The following DNAJC7 variants were observed in gnomAD, a reference collection of about 807,000 sequenced individuals.
The protein encoded by DNAJC7 is dnaJ homolog subfamily C member 7.
A neutral mutation model predicts 67.4 loss-of-function variants in DNAJC7; 18 were observed. The ratio of observed to expected loss-of-function variants is 0.27; its 90% CI spans 0.18 to 0.40. The LOEUF (loss-of-function observed/expected upper bound fraction) is 0.40. DNAJC7 is among the 10% of genes least tolerant of loss of function. DNAJC7 has a pLI of 1.00. For synonymous variants in DNAJC7, 220 were observed against 207.8 expected (o/e 1.06, Z -0.50); for missense variants, 419 against 613.8 (o/e 0.68, Z 3.35).
At chr17:41,995,360 T>C (rs1555648445) in intron 4 of DNAJC7, among the ~76,000 whole-genome samples, 4 of 152,158 alleles carry the variant, frequency 2.6e-5, no homozygotes. Context: ...TTGATATACA[T>C]GAAATAAAGG....
rs1485254067 is a variant in DNAJC7, at chr17:41,982,465, A to G, written c.1085-64T>C. 6.3e-6 allele frequency: 10 copies of G among 1,581,748 alleles called. No homozygotes were observed. In the African/African-American group the frequency reaches 1.4e-4, roughly 21 times the overall value. On this transcript the variant is annotated intron_variant, in intron 10 of 13. Transcript: ENST00000457167. ...TCTGGTTTTTTCCTCACCAGGTCTC[A>G]GCCCAGCTGCCTGGGAGTTAGAGGC...
intron 1 of DNAJC7, chr17:42,013,169 C>T (rs2143363214): frequency 6.6e-6 from 1 of 152,340 alleles, no homozygotes; most frequent in Admixed American, 6.5e-5. Flanking sequence ...AACTACTGGG[C>T]TTAAGCGATC....
intron 2 of DNAJC7, among the ~76,000 whole-genome samples, chr17:41,997,833 C>T (rs1555648899): frequency 6.6e-6 from 1 of 152,040 alleles, no homozygotes; most frequent in Non-Finnish European, 1.5e-5. Context: ...GGATTACAGG[C>T]ATGTGCCACC....
chr17:42,017,405 G>A lies in DNAJC7; in HGVS notation c.12C>T (p.Ala4=), dbSNP rs782611767. MAA[A]AECDVVMAAT... is the part of the protein sequence containing the mutation. ...CCGCCATTACCACATCGCACTCCGC[G>A]GCAGCCGCCATCTTACCGCCGGGAC... The change falls in exon 1 of 14, where the codon GCC becomes GCT. Residue 4 remains alanine (A), a synonymous_variant. Transcript: ENST00000457167. The A allele has an allele frequency of 4.4e-6, 7 of 1,608,474 alleles. No individual in the cohort carries two copies. The highest frequency in any genetic ancestry group is 3.3e-5 in the South Asian group (3 of 91,086).
chr17:41,995,764 T>C (rs2051640184), intron 4 of DNAJC7, among the ~76,000 whole-genome samples: 1 of 152,216 alleles, frequency 6.6e-6, no homozygotes, highest in African/African-American at 2.4e-5. Flanking sequence ...AACTAAAACA[T>C]GTTTTAGCTG....
At chr17:41,981,657 T>A in intron 12 of DNAJC7, 198 bp downstream of exon 12, 2 of 658,576 alleles carry the variant, frequency 3.0e-6, no homozygotes, top group South Asian at 4.3e-5. Flanking sequence ...CTTCCCTTGC[T>A]AGTGCTCGCC....
At chr17:41,983,514 C>T in intron 10 of DNAJC7, 49 bp downstream of exon 10, 1 of 1,485,114 alleles carries the variant, frequency 6.7e-7, no homozygotes, top group Non-Finnish European at 9.2e-7. Flanking sequence ...AGATTTATGG[C>T]CTACGAAGTC....
In DNAJC7 at chr17:42,017,356, C is replaced by A. The variant is rs543894294; in HGVS notation, c.61G>T (p.Asp21Tyr). ...MAATEPELLD[D>Y]QEAKREAETF... ...CCCGGTTACCTCTTCGCCTCTTGGT[C>A]GTCGAGCAGCTCCGGCTCGGTCGCC... The change falls in exon 1 of 14, where the codon GAC becomes TAC. Residue 21 changes from aspartate to tyrosine, a missense_variant. Transcript: ENST00000457167. 7.8e-5 allele frequency: 126 copies of A among 1,611,568 alleles called. 1 individual carries two copies. The South Asian group carries it at 1.2e-3, about 16-fold the overall frequency.
chr17:41,976,647 G>T lies in DNAJC7; in HGVS notation c.*86C>A. On this transcript the variant is annotated 3_prime_UTR_variant, in exon 14 of 14. Transcript: ENST00000457167. The stretch of plus-strand genomic sequence containing the variant: ...AACTGCTCTAAGCACACGGAGACGT[G>T]ATGAAGGGAGGAGGTGAACTGTTTC... 2 of 1,544,794 alleles carry T rather than the reference G, an allele frequency of 1.3e-6. No homozygotes were observed. The highest frequency in any genetic ancestry group is 1.8e-6 in the Non-Finnish European group (2 of 1,135,358).
At chr17:42,017,143 G>A (rs577825220) in intron 1 of DNAJC7, 197 bp downstream of exon 1, 1 of 1,482,186 alleles carries the variant, frequency 6.7e-7, no homozygotes, top group African/African-American at 1.4e-5. Flanking sequence ...TCCTACGCCA[G>A]GCGGAAGCGG....
intron 1 of DNAJC7, among the ~76,000 whole-genome samples, chr17:42,010,112 C>A (rs1244283126): frequency 6.6e-6 from 1 of 151,492 alleles, no homozygotes; most frequent in African/African-American, 2.4e-5. Context: ...ATTGCACACT[C>A]CAGCCTGGAG....
chr17:41,979,691 G>C (rs1178548341), intron 12 of DNAJC7, among the ~76,000 whole-genome samples: 1 of 135,028 alleles, frequency 7.4e-6, no homozygotes, highest in African/African-American at 2.7e-5. Flanking sequence ...GGCCGGGCGC[G>C]GTGGCTCACG....
At position 42,001,389 on chromosome 17, in the gene DNAJC7, C is replaced by G. The variant is rs138806956; in HGVS notation, c.78-819G>C. ...AAACTGTGCCATTAGACAAAGTATA[C>G]TTTCCTAAACTTTGTCCTAAAGGAA... On this transcript the variant is annotated intron_variant, in intron 1 of 13. Coordinates refer to ENST00000457167, the MANE Select transcript of DNAJC7 (RefSeq NM_003315.4). 1.4e-4 allele frequency among the ~76,000 whole-genome samples: 22 copies of G among 152,276 alleles called. No homozygotes were observed. The East Asian group carries it at 4.2e-3, about 29-fold the overall frequency.
chr17:42,005,079 T>C (rs144997054), intron 1 of DNAJC7, among the ~76,000 whole-genome samples: 2 of 152,322 alleles, frequency 1.3e-5, no homozygotes, highest in East Asian at 3.9e-4. Flanking sequence ...CTTGCTCTTC[T>C]ACAATAAATG....
At chr17:41,996,180 A>G in intron 4 of DNAJC7, 131 bp downstream of exon 4, 1 of 776,952 alleles carries the variant, frequency 1.3e-6, no homozygotes, top group East Asian at 2.7e-5. Flanking sequence ...GAGGCTATGA[A>G]ACTCGCCTAA....
chr17:41,990,649 G>C (rs1247252463), intron 5 of DNAJC7, among the ~76,000 whole-genome samples: 1 of 151,052 alleles, frequency 6.6e-6, no homozygotes, highest in African/African-American at 2.4e-5. Context: ...AGAATTTTAT[G>C]AAATAGGCAA....
chr17:41,977,598 T>A, intron 12 of DNAJC7: 1 of 324,096 alleles, frequency 3.1e-6, no homozygotes, highest in Non-Finnish European at 5.7e-6. Flanking sequence ...TTGGGCTGTT[T>A]TCTCAACAAA....
chr17:41,993,915 T>C (rs2051580016), intron 5 of DNAJC7, among the ~76,000 whole-genome samples: 1 of 147,462 alleles, frequency 6.8e-6, no homozygotes, highest in African/African-American at 2.5e-5. Context: ...TGGCAGCACA[T>C]GCCTGTAATC....
At chr17:42,005,426 G>A (rs1342890531) in intron 1 of DNAJC7, among the ~76,000 whole-genome samples, 5 of 152,144 alleles carry the variant, frequency 3.3e-5, no homozygotes, top group Admixed American at 1.3e-4. Context: ...TCTGCGTTGG[G>A]TCAACTAGTC....
Sources: gnomAD v4.1 joint callset for allele counts (sites outside exome capture counted in the v4.1 genomes callset) on GRCh38, gnomAD v4.1.1 for gene constraint, MANE v1.5 for transcripts, NCBI Gene and HGNC (gene_info 2026-07-23, HGNC 2026-07-21) for gene names.